The following TRHDE variants were observed in gnomAD, a reference collection of about 807,000 sequenced individuals.
The protein encoded by TRHDE is thyrotropin releasing hormone degrading enzyme.
TRHDE carries 72 observed loss-of-function variants against 125.7 expected under a neutral mutation model. The observed-to-expected ratio is 0.57, with a 90% CI of 0.47 to 0.70. The LOEUF (loss-of-function observed/expected upper bound fraction) is 0.70. Ranked by LOEUF, TRHDE falls within the 30% of genes least tolerant of loss-of-function variation. The pLI is 0.00. For missense variants in TRHDE, 1,110 were observed against 1,327.1 expected (o/e 0.84, Z 2.54); for synonymous variants, 509 against 509.1 (o/e 1.00, Z 0.00).
At chr12:72,386,448 C>A (rs1370933437) in intron 3 of TRHDE, among the ~76,000 whole-genome samples, 1 of 152,190 alleles carries the variant, frequency 6.6e-6, no homozygotes, top group Non-Finnish European at 1.5e-5. Flanking sequence ...TCATCCCATC[C>A]TTTCTCATCT....
At chr12:72,339,473 T>C (rs1271161429) in intron 2 of TRHDE, among the ~76,000 whole-genome samples, 2 of 152,138 alleles carry the variant, frequency 1.3e-5, no homozygotes, top group African/African-American at 2.4e-5. Context: ...TTTACGTTTT[T>C]TGGGGGTCTC....
Position 72,668,563 on chromosome 12 carries a change from T to C in TRHDE, c.*5368T>C, listed in dbSNP as rs183399966. On this transcript the variant is annotated 3_prime_UTR_variant, in exon 19 of 19. Coordinates refer to ENST00000261180, the MANE Select transcript of TRHDE (RefSeq NM_013381.3). ...AAAGAAAACAAAATGACTGATTCTT[T>C]TGTTTTGAATTAAATGTTTGTGCTG... 6.6e-6 allele frequency: 1 copy of C among 151,994 alleles called. No homozygotes were observed. Among genetic ancestry groups the C allele is most frequent in the East Asian group, 1.9e-4 (1 of 5,164 alleles). The allele number at this position is 151,994 out of a possible 1,614,324, so 9.4% of individuals were successfully genotyped here.
chr12:72,111,110 C>T (rs780188242), intron 2 of TRHDE, among the ~76,000 whole-genome samples: 47 of 152,262 alleles, frequency 3.1e-4, no homozygotes, highest in Non-Finnish European at 5.4e-4. Flanking sequence ...CTGAGGCACA[C>T]TTTAGTTACT....
intron 2 of TRHDE, chr12:72,263,305 A>G (rs1354437995): frequency 6.6e-6 from 1 of 151,926 alleles, no homozygotes; most frequent in African/African-American, 2.4e-5. Context: ...TATCAAAGCT[A>G]AAGTTGAAGC....
At chr12:72,560,513 ATTATTACATCACTAAAATAAAAT>A (rs1870126842) in intron 7 of TRHDE, 1 of 152,196 alleles carries the variant, frequency 6.6e-6, no homozygotes, top group Non-Finnish European at 1.5e-5. Context: ...AGCACCTTTT[ATTATTACATCACTAAAATAAAAT>A]GCAAGTTAGG....
intron 2 of TRHDE, among the ~76,000 whole-genome samples, chr12:72,260,187 T>A (rs901138435): frequency 6.6e-6 from 1 of 152,192 alleles, no homozygotes; most frequent in African/African-American, 2.4e-5. Context: ...ATATGCTGAT[T>A]TCAAAATCTA....
intron 2 of TRHDE, among the ~76,000 whole-genome samples, chr12:72,210,171 G>GATCT (rs3086840): frequency 0.18 from 26,662 of 146,230 alleles, 2,404 homozygotes; most frequent in African/African-American, 0.21. Context: ...CTATAAGATT[G>GATCT]ATCTATCTAT....
At chr12:72,224,140 ATT>A (rs778575621) in intron 2 of TRHDE, among the ~76,000 whole-genome samples, 1 of 34,978 alleles carries the variant, frequency 2.9e-5, no homozygotes, top group Non-Finnish European at 6.3e-5. Flanking sequence ...CTATCTATCT[ATT>A]TATCTATGTA....
intron 2 of TRHDE, among the ~76,000 whole-genome samples, chr12:72,111,533 G>A (rs765527470): frequency 3.3e-5 from 5 of 152,108 alleles, no homozygotes; most frequent in Non-Finnish European, 7.4e-5. Flanking sequence ...TATCTCCCTA[G>A]TTCTAAGGTC....
chr12:72,550,795 A>G (rs942718481), intron 7 of TRHDE, among the ~76,000 whole-genome samples: 2 of 151,974 alleles, frequency 1.3e-5, no homozygotes, highest in African/African-American at 2.4e-5. Flanking sequence ...ATGTTAAACT[A>G]GTGTATAATG....
intron 2 of TRHDE, among the ~76,000 whole-genome samples, chr12:72,192,996 A>G (rs1403630114): frequency 6.6e-6 from 1 of 152,088 alleles, no homozygotes; most frequent in Non-Finnish European, 1.5e-5. Context: ...CACATAAAAT[A>G]CTTTATCTGA....
intron 2 of TRHDE, among the ~76,000 whole-genome samples, chr12:72,377,054 C>A (rs1218523828): frequency 6.6e-6 from 1 of 152,070 alleles, no homozygotes; most frequent in African/African-American, 2.4e-5. Context: ...TATCACCCAC[C>A]TTGGTTAGTG....
chr12:72,638,628 T>A (rs1435137605), intron 15 of TRHDE, among the ~76,000 whole-genome samples: 3 of 152,180 alleles, frequency 2.0e-5, no homozygotes, highest in African/African-American at 7.2e-5. Context: ...GGCATGATTT[T>A]GCAGCGGCTG....
At chr12:72,112,207 TC>T (rs1329973169) in intron 2 of TRHDE, among the ~76,000 whole-genome samples, 7 of 152,264 alleles carry the variant, frequency 4.6e-5, no homozygotes, top group Admixed American at 4.6e-4. Flanking sequence ...CAGCAGGGTT[TC>T]CTGATGCTGT....
intron 2 of TRHDE, among the ~76,000 whole-genome samples, chr12:72,334,340 T>A (rs1380481019): frequency 2.0e-5 from 3 of 152,228 alleles, no homozygotes; most frequent in Non-Finnish European, 4.4e-5. Context: ...AAGAACAGTG[T>A]ATTTTCCAAA....
At chr12:72,502,304 T>G (rs1249000972) in intron 6 of TRHDE, among the ~76,000 whole-genome samples, 1 of 152,118 alleles carries the variant, frequency 6.6e-6, no homozygotes, top group Non-Finnish European at 1.5e-5. Flanking sequence ...GTAAATTTTT[T>G]CCTAAGTGTA....
intron 2 of TRHDE, among the ~76,000 whole-genome samples, chr12:72,230,042 G>A (rs535576589): frequency 1.3e-5 from 2 of 152,276 alleles, no homozygotes; most frequent in South Asian, 4.1e-4. Context: ...TCTCTGGTCT[G>A]CCACCACCTG....
At chr12:72,647,499 A>T (rs896847689) in intron 15 of TRHDE, among the ~76,000 whole-genome samples, 1 of 152,056 alleles carries the variant, frequency 6.6e-6, no homozygotes, top group Non-Finnish European at 1.5e-5. Context: ...AAACAATAGA[A>T]TAAATCAGAC....
rs368074225 is a variant in TRHDE, at chr12:72,208,230, T to C, written n.279+102478T>C. On this transcript the variant is annotated intron_variant and non_coding_transcript_variant, in intron 2 of 4. Coordinates refer to the TRHDE transcript ENST00000548156. ...CACATTCACACACCCACATCCCTCATACCCTTTACACAGTTCAGACATTCA... is the reference window on the plus strand; with the variant it reads ...CACATTCACACACCCACATCCCTCACACCCTTTACACAGTTCAGACATTCA... Among the ~76,000 whole-genome samples, 219 of 152,048 alleles carry C rather than the reference T, an allele frequency of 1.4e-3. 1 individual carries two copies. Among genetic ancestry groups the C allele is most frequent in the African/African-American group, 5.0e-3 (207 of 41,514 alleles).
Sources: gnomAD v4.1 joint callset for allele counts (sites outside exome capture counted in the v4.1 genomes callset) on GRCh38, gnomAD v4.1.1 for gene constraint, MANE v1.5 for transcripts, NCBI Gene and HGNC (gene_info 2026-07-23, HGNC 2026-07-21) for gene names.